The following TRIM55 variants were observed in gnomAD, a reference collection of about 807,000 sequenced individuals.
The protein encoded by TRIM55 is tripartite motif-containing protein 55.
TRIM55 carries 50 observed loss-of-function variants against 60.9 expected under a neutral mutation model. The observed-to-expected ratio is 0.82, with a 90% CI of 0.65 to 1.04. The LOEUF is 1.04. Ranked by LOEUF, TRIM55 falls within the 50% of genes least tolerant of loss-of-function variation. The pLI is 0.00. For missense variants in TRIM55, 681 were observed against 666.9 expected, an observed-to-expected ratio of 1.02 and a Z score of -0.23; for synonymous variants, 237 against 238.1, an observed-to-expected ratio of 1.00 and a Z score of 0.04.
chr8:66,147,794 CAAAAAAA>C (rs1180935272), intron 4 of TRIM55, among the ~76,000 whole-genome samples: 2 of 44,184 alleles, frequency 4.5e-5, no homozygotes, highest in East Asian at 1.3e-3. Flanking sequence ...GACTCCATCT[CAAAAAAA>C]AAAAAAAAAA....
upstream of TRIM55, among the ~76,000 whole-genome samples, chr8:66,122,788 T>C (rs1421493319): frequency 6.6e-6 from 1 of 152,150 alleles, no homozygotes; most frequent in Non-Finnish European, 1.5e-5. Context: ...AAAACAGAGA[T>C]CTTAAGACTG....
chr8:66,152,300 T>A (rs1220669008), intron 7 of TRIM55, 77 bp from the exon 8 acceptor site: 1 of 1,499,640 alleles, frequency 6.7e-7, no homozygotes, highest in African/African-American at 1.4e-5. Flanking sequence ...TAACTAGGGC[T>A]ATAAGCACTG....
the TRIM55 span, among the ~76,000 whole-genome samples, chr8:66,118,025 C>T: frequency 6.6e-6 from 1 of 150,866 alleles, no homozygotes; most frequent in South Asian, 2.1e-4. Flanking sequence ...AAAACTTACC[C>T]GGGTGTGGTG....
chr8:66,131,809 G>T (rs1193128045), intron 2 of TRIM55, among the ~76,000 whole-genome samples: 1 of 152,136 alleles, frequency 6.6e-6, no homozygotes, highest in Non-Finnish European at 1.5e-5. Context: ...GAACTAAGAT[G>T]CAACTCAAGT....
the TRIM55 span, chr8:66,113,368 C>T: frequency 1.8e-5 from 7 of 382,250 alleles, no homozygotes; most frequent in South Asian, 3.8e-5. Flanking sequence ...GTACACGTCC[C>T]TTCGATAGCT....
chr8:66,130,634 G>A (rs1809092823), intron 2 of TRIM55, among the ~76,000 whole-genome samples: 1 of 148,952 alleles, frequency 6.7e-6, no homozygotes, highest in East Asian at 2.0e-4. Context: ...GCTGGAGACT[G>A]TAAGTCTCCA....
chr8:66,150,156 T>C (rs998515319), intron 5 of TRIM55, 61 bp from the exon 6 acceptor site: 53 of 1,573,786 alleles, frequency 3.4e-5, no homozygotes, highest in Non-Finnish European at 4.5e-5. Context: ...GAAATAATTG[T>C]CTTACCACTG....
intron 4 of TRIM55, 117 bp from the exon 5 acceptor site, chr8:66,149,528 G>A (rs1586211655): frequency 1.2e-6 from 1 of 828,118 alleles, no homozygotes. Context: ...CATCTTCAGG[G>A]AAAAGAAAAA....
intron 4 of TRIM55, among the ~76,000 whole-genome samples, chr8:66,148,750 G>GA (rs553406952): frequency 6.6e-6 from 1 of 152,068 alleles, no homozygotes; most frequent in African/African-American, 2.4e-5. Flanking sequence ...AGTCATCATA[G>GA]AAAAAAACAT....
At position 66,174,599 on chromosome 8, in the gene TRIM55, A is replaced by G; in HGVS notation, c.*6A>G. ...TGAACTCCCTAAATGAATGATATTCATTCCAACTGCTGCCCCTCTGTCTGC... is the reference window on the plus strand; with the variant it reads ...TGAACTCCCTAAATGAATGATATTCGTTCCAACTGCTGCCCCTCTGTCTGC... On this transcript the variant is annotated 3_prime_UTR_variant, in exon 10 of 10. Coordinates refer to ENST00000315962, the MANE Select transcript of TRIM55 (RefSeq NM_184085.2). 4 of 1,589,804 alleles carry G rather than the reference A, an allele frequency of 2.5e-6. No individual in the cohort carries two copies. Among genetic ancestry groups the G allele is most frequent in the Non-Finnish European group, 3.4e-6 (4 of 1,170,462 alleles).
intron 9 of TRIM55, among the ~76,000 whole-genome samples, chr8:66,158,451 T>G (rs1300276533): frequency 3.9e-5 from 6 of 152,186 alleles, no homozygotes; most frequent in Admixed American, 3.9e-4. Context: ...CTCAAGACTG[T>G]GGGGATCCAA....
chr8:66,120,658 C>T, the TRIM55 span, among the ~76,000 whole-genome samples: 321 of 152,308 alleles, frequency 2.1e-3, no homozygotes, highest in African/African-American at 7.3e-3. Flanking sequence ...GTTACACATT[C>T]GTGTGCCAGG....
At chr8:66,113,693 G>T in the TRIM55 span, 1 of 418,524 alleles carries the variant, frequency 2.4e-6, no homozygotes, top group Non-Finnish European at 4.8e-6. Context: ...GCCGGGTCAC[G>T]ACTTCTGCGT....
upstream of TRIM55, among the ~76,000 whole-genome samples, chr8:66,126,289 A>G (rs897853102): frequency 1.3e-5 from 2 of 152,234 alleles, no homozygotes; most frequent in African/African-American, 4.8e-5. Context: ...CTACCTCATT[A>G]CAGATTATTG....
chr8:66,167,703 C>G (rs534599867), intron 9 of TRIM55, among the ~76,000 whole-genome samples: 1 of 152,176 alleles, frequency 6.6e-6, no homozygotes, highest in Non-Finnish European at 1.5e-5. Context: ...CTCCACACAC[C>G]CCCTTAATCA....
At chr8:66,168,939 A>G (rs746049194) in intron 9 of TRIM55, among the ~76,000 whole-genome samples, 9 of 152,226 alleles carry the variant, frequency 5.9e-5, no homozygotes, top group Non-Finnish European at 8.8e-5. Context: ...CTTGATTGCT[A>G]TCGCTTGACT....
Position 66,149,785 on chromosome 8 carries a change from C to A in TRIM55, c.744C>A (p.Ile248=). Residue 248 remains isoleucine, a synonymous_variant, in exon 5 of 10, where the codon ATC becomes ATA. Transcript: ENST00000315962. ...EEKLEHVRAL[I]KKYSDHLENV... ...AACTGGAACATGTCCGTGCTCTGAT[C>A]AAAAAGTATTCTGATCATTTGGAGA... 1.2e-6 allele frequency: 2 copies of A among 1,614,150 alleles called. No homozygotes were observed. The highest frequency in any genetic ancestry group is 1.1e-5 in the South Asian group (1 of 91,070).
chr8:66,117,755 G>A, the TRIM55 span, among the ~76,000 whole-genome samples: 1 of 152,166 alleles, frequency 6.6e-6, no homozygotes, highest in Admixed American at 6.5e-5. Flanking sequence ...TGAAACCAAC[G>A]TTTGGGGTTC....
chr8:66,136,812 T>C (rs1004057321), intron 3 of TRIM55, among the ~76,000 whole-genome samples: 33 of 152,220 alleles, frequency 2.2e-4, no homozygotes, highest in Admixed American at 1.6e-3. Context: ...AAGTCACATA[T>C]TGGTCTCCAT....
Sources: allele counts gnomAD v4.1 joint callset (sites outside exome capture counted in the v4.1 genomes callset), GRCh38; gene constraint gnomAD v4.1.1; transcripts MANE v1.5; gene names NCBI Gene and HGNC (gene_info 2026-07-23, HGNC 2026-07-21).